The following SNX29 variants were observed in gnomAD, a reference collection of about 807,000 sequenced individuals.
The protein encoded by SNX29 is sorting nexin-29.
SNX29 carries 78 observed loss-of-function variants against 102.1 expected under a neutral mutation model. The observed-to-expected ratio is 0.76, with a 90% CI of 0.64 to 0.92. The LOEUF is 0.92. Ranked by LOEUF, SNX29 falls within the 40% of genes least tolerant of loss-of-function variation. The pLI, the probability that SNX29 is intolerant of heterozygous loss-of-function variation, is 0.00. For synonymous variants in SNX29, 580 were observed against 414.5 expected, an observed-to-expected ratio of 1.40 and a Z score of -4.85; for missense variants, 1,280 against 1,061.7, an observed-to-expected ratio of 1.21 and a Z score of -2.86.
intron 16 of SNX29, among the ~76,000 whole-genome samples, chr16:12,395,304 T>A (rs1286981177): frequency 6.6e-6 from 1 of 152,176 alleles, no homozygotes; most frequent in Non-Finnish European, 1.5e-5. Context: ...TTCTTGTCTC[T>A]GTTCTGTCCC....
chr16:12,338,511 G>A (rs892443664), intron 15 of SNX29, among the ~76,000 whole-genome samples: 1 of 152,174 alleles, frequency 6.6e-6, no homozygotes, highest in East Asian at 1.9e-4. Context: ...GGGGTGTCAC[G>A]TTCTCCTCAC....
chr16:12,570,062 G>T lies in SNX29; in HGVS notation c.*1433G>T, dbSNP rs2079153939. On this transcript the variant is annotated 3_prime_UTR_variant, in exon 21 of 21. Coordinates refer to ENST00000566228, the MANE Select transcript of SNX29 (RefSeq NM_032167.5). ...TCCTAGGCTCGAGGACATCTCTGGA[G>T]AATCATCTGGAAGGTTTATACTGTG... The T allele has an allele frequency of 3.2e-6, 2 of 620,178 alleles. No homozygotes were observed. Among genetic ancestry groups the T allele is most frequent in the Non-Finnish European group, 4.2e-6 (2 of 473,186 alleles). 38.4% of individuals were successfully genotyped at this position (620,178 alleles called of 1,614,324 possible).
intron 15 of SNX29, among the ~76,000 whole-genome samples, chr16:12,285,189 AG>A (rs1464583595): frequency 6.6e-6 from 1 of 152,192 alleles, no homozygotes; most frequent in African/African-American, 2.4e-5. Context: ...GTTTCCCTTC[AG>A]TTCTCCTTCC....
intron 13 of SNX29, among the ~76,000 whole-genome samples, chr16:12,158,840 G>T (rs1367046014): frequency 6.6e-6 from 1 of 152,228 alleles, no homozygotes; most frequent in East Asian, 1.9e-4. Context: ...CCTTAGCTCA[G>T]TGCTTGTCTG....
chr16:12,431,106 C>T (rs546260590), intron 18 of SNX29, among the ~76,000 whole-genome samples: 2 of 152,266 alleles, frequency 1.3e-5, no homozygotes, highest in African/African-American at 4.8e-5. Flanking sequence ...CCCACCTCGG[C>T]CTCCCAAAGT....
At chr16:12,210,525 G>A (rs192507166) in intron 14 of SNX29, among the ~76,000 whole-genome samples, 104 of 151,736 alleles carry the variant, frequency 6.9e-4, no homozygotes, top group African/African-American at 2.3e-3. Context: ...GAATGGAGTC[G>A]ATGCAGAGGA....
At chr16:12,551,967 C>G (rs752952738) in intron 20 of SNX29, among the ~76,000 whole-genome samples, 3 of 152,126 alleles carry the variant, frequency 2.0e-5, no homozygotes, top group African/African-American at 2.4e-5. Context: ...CAGGCTGTGC[C>G]CAACACAGTG....
At chr16:12,558,835 C>G (rs930900973) in intron 20 of SNX29, among the ~76,000 whole-genome samples, 2 of 152,192 alleles carry the variant, frequency 1.3e-5, no homozygotes, top group African/African-American at 4.8e-5. Flanking sequence ...GCCACAGTCA[C>G]CAAGAGCCAC....
intron 13 of SNX29, among the ~76,000 whole-genome samples, chr16:12,132,443 G>C (rs2054504263): frequency 6.6e-6 from 1 of 152,132 alleles, no homozygotes; most frequent in East Asian, 1.9e-4. Context: ...GCGTAGTCTT[G>C]AGTCTTTGCA....
At chr16:12,143,149 C>A (rs960912847) in intron 13 of SNX29, among the ~76,000 whole-genome samples, 1 of 152,060 alleles carries the variant, frequency 6.6e-6, no homozygotes, top group African/African-American at 2.4e-5. Flanking sequence ...AGGCATGCGC[C>A]ACCATGCCCG....
At chr16:12,165,809 C>T (rs1466887857) in intron 13 of SNX29, among the ~76,000 whole-genome samples, 1 of 152,248 alleles carries the variant, frequency 6.6e-6, no homozygotes, top group East Asian at 1.9e-4. Context: ...ACTGATCCAC[C>T]TGCCTCGGCC....
intron 13 of SNX29, among the ~76,000 whole-genome samples, chr16:12,171,630 A>T (rs1365072997): frequency 6.6e-6 from 1 of 152,236 alleles, no homozygotes; most frequent in East Asian, 1.9e-4. Context: ...CTCCCTGGGG[A>T]ACCTTGGCAA....
chr16:12,192,523 T>G (rs1366144929), intron 13 of SNX29, among the ~76,000 whole-genome samples: 2 of 152,112 alleles, frequency 1.3e-5, no homozygotes, highest in African/African-American at 4.8e-5. Context: ...TTTATTTTTT[T>G]GTTTGTGAAT....
intron 20 of SNX29, chr16:12,556,547 A>C (rs1388864510): frequency 6.6e-6 from 1 of 152,342 alleles, no homozygotes; most frequent in African/African-American, 2.4e-5. Context: ...CAGCTGTGGG[A>C]AACATTTGCA....
At chr16:12,554,213 A>G (rs757041362) in intron 20 of SNX29, among the ~76,000 whole-genome samples, 5 of 152,260 alleles carry the variant, frequency 3.3e-5, no homozygotes, top group Non-Finnish European at 2.9e-5. Flanking sequence ...ATGAGCATAT[A>G]TAGAGCAAAA....
chr16:12,065,250 C>T (rs1471039615), intron 9 of SNX29, among the ~76,000 whole-genome samples: 2 of 152,132 alleles, frequency 1.3e-5, no homozygotes, highest in African/African-American at 4.8e-5. Context: ...GGGGACCATG[C>T]GTGGTTCCTC....
At chr16:12,497,235 GA>G (rs964206333) in intron 19 of SNX29, among the ~76,000 whole-genome samples, 6 of 152,210 alleles carry the variant, frequency 3.9e-5, no homozygotes, top group African/African-American at 1.4e-4. Context: ...AAAAGTAAAC[GA>G]AAAGCTTCAT....
At chr16:12,513,058 C>CA (rs2089703211) in intron 19 of SNX29, among the ~76,000 whole-genome samples, 1 of 152,088 alleles carries the variant, frequency 6.6e-6, no homozygotes, top group Admixed American at 6.5e-5. Context: ...AGGGGAGTCC[C>CA]ACCAAGGGTG....
intron 3 of SNX29, among the ~76,000 whole-genome samples, chr16:12,007,963 A>C (rs995651272): frequency 1.3e-5 from 2 of 151,726 alleles, no homozygotes; most frequent in Non-Finnish European, 2.9e-5. Context: ...TCTTTTTTTG[A>C]GATGGAGTCT....
Sources: gnomAD v4.1 joint callset for allele counts (sites outside exome capture counted in the v4.1 genomes callset) on GRCh38, gnomAD v4.1.1 for gene constraint, MANE v1.5 for transcripts, NCBI Gene and HGNC (gene_info 2026-07-23, HGNC 2026-07-21) for gene names.